The following PDE4D variants were observed in gnomAD, a reference collection of about 807,000 sequenced individuals.
PDE4D encodes the protein phosphodiesterase 4D.
Under a neutral mutation model 87.4 loss-of-function variants are expected in PDE4D, and 24 were observed. The observed-to-expected ratio is 0.27, with a 90% CI of 0.20 to 0.39. The LOEUF is 0.39. PDE4D is among the 10% of genes least tolerant of loss of function. The pLI is 1.00. For synonymous variants in PDE4D, 384 were observed against 383.2 expected (o/e 1.00, Z -0.02); for missense variants, 714 against 1,041.0 (o/e 0.69, Z 4.32).
chr5:60,258,700 T>C (rs1437238689), intron 1 of PDE4D, among the ~76,000 whole-genome samples: 3 of 151,874 alleles, frequency 2.0e-5, no homozygotes, highest in African/African-American at 7.2e-5. Flanking sequence ...AATAAAATAA[T>C]AAATGTTTAA....
At chr5:60,368,605 C>T (rs951864945) in intron 1 of PDE4D, among the ~76,000 whole-genome samples, 20 of 152,110 alleles carry the variant, frequency 1.3e-4, no homozygotes, top group South Asian at 6.2e-4. Context: ...AATTCTGATA[C>T]GGTTTGGCTC....
At chr5:60,207,177 C>T (rs898559836) in intron 1 of PDE4D, among the ~76,000 whole-genome samples, 23 of 152,004 alleles carry the variant, frequency 1.5e-4, no homozygotes, top group Non-Finnish European at 1.3e-4. Context: ...GGGTGCCTAA[C>T]GCAGGAGGGG....
chr5:60,318,388 G>C (rs1159592165), intron 1 of PDE4D, among the ~76,000 whole-genome samples: 1 of 152,140 alleles, frequency 6.6e-6, no homozygotes, highest in Admixed American at 6.5e-5. Flanking sequence ...CTCTGCACGT[G>C]AGATGGGTTT....
intron 1 of PDE4D, among the ~76,000 whole-genome samples, chr5:60,510,943 C>A (rs954027541): frequency 2.6e-5 from 4 of 152,038 alleles, no homozygotes; most frequent in African/African-American, 9.7e-5. Flanking sequence ...GAAATTCCTC[C>A]TGCCGTGGTA....
intron 1 of PDE4D, among the ~76,000 whole-genome samples, chr5:59,709,891 C>T (rs1753961152): frequency 6.6e-6 from 1 of 152,150 alleles, no homozygotes; most frequent in African/African-American, 2.4e-5. Flanking sequence ...TTAGACAGAA[C>T]TCTGCAGGAG....
intron 5 of PDE4D, among the ~76,000 whole-genome samples, chr5:59,136,934 C>G (rs542679308): frequency 6.6e-6 from 1 of 152,256 alleles, no homozygotes; most frequent in South Asian, 2.1e-4. Flanking sequence ...ACCAACTTGT[C>G]CTAATTTGTC....
At chr5:60,474,112 A>ATGGCATATGT in intron 1 of PDE4D, among the ~76,000 whole-genome samples, 1 of 74,878 alleles carries the variant, frequency 1.3e-5, no homozygotes, top group Admixed American at 1.2e-4. Flanking sequence ...TGCCATATAT[A>ATGGCATATGT]TATATATATA....
intron 1 of PDE4D, among the ~76,000 whole-genome samples, chr5:59,548,348 G>A (rs1450062136): frequency 1.3e-5 from 2 of 152,116 alleles, no homozygotes; most frequent in Non-Finnish European, 2.9e-5. Flanking sequence ...TTGACAACAA[G>A]GGACTCCAAC....
chr5:59,230,699 G>C (rs1268605443), intron 1 of PDE4D, among the ~76,000 whole-genome samples: 2 of 152,042 alleles, frequency 1.3e-5, no homozygotes, highest in Non-Finnish European at 2.9e-5. Context: ...TTTTTCCTCT[G>C]GGTTTGCACT....
intron 3 of PDE4D, among the ~76,000 whole-genome samples, chr5:59,975,013 T>C (rs1761159635): frequency 6.6e-6 from 1 of 152,178 alleles, no homozygotes; most frequent in Non-Finnish European, 1.5e-5. Flanking sequence ...CTCAATGCCC[T>C]CTCTGGGTCC....
At chr5:59,481,600 C>A (rs1804268584) in intron 1 of PDE4D, among the ~76,000 whole-genome samples, 2 of 152,042 alleles carry the variant, frequency 1.3e-5, no homozygotes, top group African/African-American at 4.8e-5. Context: ...GCTGCTCCAG[C>A]GGTAGAGTTT....
At chr5:60,045,468 T>C (rs1437235225) in intron 2 of PDE4D, among the ~76,000 whole-genome samples, 1 of 152,178 alleles carries the variant, frequency 6.6e-6, no homozygotes, top group Non-Finnish European at 1.5e-5. Context: ...AAAGCCTAGG[T>C]TTTCTCCTAG....
At chr5:60,005,941 C>G (rs1764433257) in intron 2 of PDE4D, among the ~76,000 whole-genome samples, 1 of 151,386 alleles carries the variant, frequency 6.6e-6, no homozygotes, top group Non-Finnish European at 1.5e-5. Flanking sequence ...CCATTTCATA[C>G]CAAAAATTAA....
Position 60,049,666 on chromosome 5 carries a change from G to T in PDE4D, c.43-60949C>A, listed in dbSNP as rs1396629596. On this transcript the variant is annotated intron_variant, in intron 2 of 16. Coordinates refer to the PDE4D transcript ENST00000502484. The stretch of plus-strand genomic sequence containing the variant: ...TGCCCCTGCTGGGAGGTGCCTCCCA[G>T]TTAGGCTGCTCAGGGGTCAGGGGTC... Among the ~76,000 whole-genome samples, 10 of 152,224 alleles carry T rather than the reference G, an allele frequency of 6.6e-5. No individual in the cohort carries two copies. The East Asian group carries it at 1.9e-3, about 29-fold the overall frequency.
chr5:60,502,773 A>C lies in PDE4D; in HGVS notation n.70+19278T>G, dbSNP rs138658680. On this transcript the variant is annotated intron_variant and non_coding_transcript_variant, in intron 1 of 2. Transcript: ENST00000506510. Reference sequence around the variant, plus strand: ...AGCTTATCCCTTCAAAGCAGTAATAAAAGTGTTTTAGGGATCTCTTGTAGC... The same window carrying C: ...AGCTTATCCCTTCAAAGCAGTAATACAAGTGTTTTAGGGATCTCTTGTAGC... 2.3e-3 allele frequency among the ~76,000 whole-genome samples: 345 copies of C among 152,272 alleles called. 1 individual carries two copies. Among genetic ancestry groups the C allele is most frequent in the African/African-American group, 8.1e-3 (336 of 41,554 alleles).
At chr5:59,558,530 T>C (rs1354477636) in intron 1 of PDE4D, 2 of 152,148 alleles carry the variant, frequency 1.3e-5, no homozygotes, top group Non-Finnish European at 2.9e-5. Context: ...TGACTGGGAA[T>C]TGTAGAAGAG....
intron 2 of PDE4D, among the ~76,000 whole-genome samples, chr5:60,008,802 A>C (rs1473746970): frequency 6.6e-6 from 1 of 152,032 alleles, no homozygotes; most frequent in African/African-American, 2.4e-5. Context: ...TTGCTCCTCA[A>C]ACAACATTAG....
chr5:60,457,509 C>T (rs1227581422), intron 1 of PDE4D, among the ~76,000 whole-genome samples: 1 of 152,142 alleles, frequency 6.6e-6, no homozygotes, highest in Admixed American at 6.5e-5. Flanking sequence ...CTTCTGCTAC[C>T]TCAGTCTTGT....
chr5:59,869,852 T>G (rs991303140), intron 1 of PDE4D, among the ~76,000 whole-genome samples: 1 of 152,184 alleles, frequency 6.6e-6, no homozygotes, highest in Non-Finnish European at 1.5e-5. Flanking sequence ...AATGTCAGCA[T>G]CCCTCCAATC....
Sources: gnomAD v4.1 joint callset for allele counts (sites outside exome capture counted in the v4.1 genomes callset) on GRCh38, gnomAD v4.1.1 for gene constraint, MANE v1.5 for transcripts, NCBI Gene and HGNC (gene_info 2026-07-23, HGNC 2026-07-21) for gene names.